The following PRKCZ variants were observed in gnomAD, a reference collection of about 807,000 sequenced individuals.
The protein encoded by PRKCZ is protein kinase C zeta.
PRKCZ carries 33 observed loss-of-function variants against 79.5 expected under a neutral mutation model. The observed-to-expected ratio is 0.41, with a 90% confidence interval of 0.31 to 0.55. PRKCZ has a LOEUF of 0.55. PRKCZ is among the 20% of genes least tolerant of loss of function. The probability of loss-of-function intolerance (pLI) is 0.19; values close to 1 mark genes in which losing one functional copy is unlikely to be tolerated. For synonymous variants in PRKCZ, 342 were observed against 320.9 expected, an observed-to-expected ratio of 1.07 and a Z score of -0.70; for missense variants, 578 against 813.5, an observed-to-expected ratio of 0.71 and a Z score of 3.52.
At chr1:2,141,151 G>A (rs530704493) in intron 5 of PRKCZ, 1 of 152,054 alleles carries the variant, frequency 6.6e-6, no homozygotes, top group African/African-American at 2.4e-5. Flanking sequence ...TTTGAAACAA[G>A]AGCTTTTGAC....
chr1:2,114,983 A>G (rs1670463344), intron 4 of PRKCZ, among the ~76,000 whole-genome samples: 1 of 152,268 alleles, frequency 6.6e-6, no homozygotes, highest in Admixed American at 6.5e-5. Flanking sequence ...TTACAAAGCA[A>G]ACTGCACCGC....
At chr1:2,099,022 C>CCGTTGTCTGTGCTGTGACTTCCGT (rs1262590085) in intron 4 of PRKCZ, among the ~76,000 whole-genome samples, 52 of 152,208 alleles carry the variant, frequency 3.4e-4, no homozygotes, top group Middle Eastern at 3.4e-3. Flanking sequence ...ATCGCATGCA[C>CCGTTGTCTGTGCTGTGACTTCCGT]CGTTGTCTGT....
intron 10 of PRKCZ, among the ~76,000 whole-genome samples, chr1:2,163,815 C>A (rs564383536): frequency 6.6e-6 from 1 of 151,770 alleles, no homozygotes; most frequent in Non-Finnish European, 1.5e-5. Context: ...AGGAGAATGG[C>A]GTGAACCCGG....
intron 7 of PRKCZ, among the ~76,000 whole-genome samples, chr1:2,147,979 A>G (rs529286953): frequency 1.0e-4 from 15 of 144,020 alleles, no homozygotes; most frequent in South Asian, 2.2e-4. Flanking sequence ...CTATCCATCT[A>G]TTGTCCACTG....
At chr1:2,062,402 C>T (rs1270279929) in intron 4 of PRKCZ, among the ~76,000 whole-genome samples, 1 of 152,034 alleles carries the variant, frequency 6.6e-6, no homozygotes, top group African/African-American at 2.4e-5. Flanking sequence ...AAGGTTCATC[C>T]ATGATGGGGC....
At chr1:2,073,232 C>T (rs148700379) in intron 4 of PRKCZ, among the ~76,000 whole-genome samples, 63 of 152,210 alleles carry the variant, frequency 4.1e-4, no homozygotes, top group African/African-American at 1.5e-3. Context: ...CTTGGCCTTT[C>T]CTGTTCCTGC....
intron 4 of PRKCZ, among the ~76,000 whole-genome samples, chr1:2,062,471 TG>T (rs1459793058): frequency 1.3e-5 from 2 of 151,726 alleles, no homozygotes; most frequent in Non-Finnish European, 2.9e-5. Flanking sequence ...CATCTATTTT[TG>T]CCATCTTAAC....
chr1:2,115,629 A>T (rs1461177903), intron 4 of PRKCZ, among the ~76,000 whole-genome samples: 1 of 152,196 alleles, frequency 6.6e-6, no homozygotes, highest in Non-Finnish European at 1.5e-5. Context: ...GACAACCTGG[A>T]TTCTGACCAA....
At position 2,107,607 on chromosome 1, in the gene PRKCZ, C is replaced by A. The variant is rs539436129; in HGVS notation, c.335-27655C>A. ...GCTGATCACCCTCAGACACCGAACC[C>A]CTGGAGGAAACACAGGGAGGGAGGA... On this transcript the variant is annotated intron_variant, in intron 4 of 17. Transcript: ENST00000378567. 6.6e-5 allele frequency among the ~76,000 whole-genome samples: 10 copies of A among 152,324 alleles called. No individual in the cohort carries two copies. The South Asian group carries it at 1.9e-3, about 28-fold the overall frequency.
At chr1:2,052,866 C>A (rs1350813506) in intron 1 of PRKCZ, among the ~76,000 whole-genome samples, 1 of 152,168 alleles carries the variant, frequency 6.6e-6, no homozygotes, top group Non-Finnish European at 1.5e-5. Flanking sequence ...AAAGGAAGAG[C>A]ACTTCAGTCA....
At position 2,125,804 on chromosome 1, in the gene PRKCZ, C is replaced by T. The variant is rs1673756926; in HGVS notation, c.335-9458C>T. 6.6e-6 allele frequency among the ~76,000 whole-genome samples: 1 copy of T among 152,234 alleles called. No homozygotes were observed. Among genetic ancestry groups the T allele is most frequent in the Non-Finnish European group, 1.5e-5 (1 of 68,024 alleles). On this transcript the variant is annotated intron_variant, in intron 4 of 17. Coordinates refer to ENST00000378567, the MANE Select transcript of PRKCZ (RefSeq NM_002744.6). This position sits in a 1 kb window ranked among gnomAD's most constrained non-coding sequence, Gnocchi z 4.2. Reference sequence around the variant, plus strand: ...GCCGCAGAGGCTGTCCCTTGGGGGCCCACGCATCCTAGCCACGGCCTCCTC... The same window carrying T: ...GCCGCAGAGGCTGTCCCTTGGGGGCTCACGCATCCTAGCCACGGCCTCCTC...
chr1:2,144,533 G>A, intron 6 of PRKCZ, 192 bp downstream of exon 6: 1 of 1,417,722 alleles, frequency 7.1e-7, no homozygotes. Context: ...GCCCCCACAA[G>A]CCCCCGGCAC....
intron 10 of PRKCZ, among the ~76,000 whole-genome samples, chr1:2,159,012 A>C (rs2103329248): frequency 6.8e-6 from 1 of 147,908 alleles, no homozygotes. Flanking sequence ...TGCAACTTCC[A>C]CCTCCCTGGT....
intron 5 of PRKCZ, among the ~76,000 whole-genome samples, chr1:2,137,888 T>C (rs1277603504): frequency 6.6e-6 from 1 of 152,112 alleles, no homozygotes; most frequent in Non-Finnish European, 1.5e-5. Flanking sequence ...CTTCTGGGCG[T>C]GTGAACGAGC....
At chr1:2,054,265 C>T (rs1049565815) in intron 1 of PRKCZ, among the ~76,000 whole-genome samples, 8 of 152,180 alleles carry the variant, frequency 5.3e-5, no homozygotes, top group Non-Finnish European at 1.2e-4. Context: ...TCTTGCCCCG[C>T]GCTCTTGTGG....
intron 4 of PRKCZ, among the ~76,000 whole-genome samples, chr1:2,103,329 AC>A (rs1667819620): frequency 6.6e-6 from 1 of 152,258 alleles, no homozygotes; most frequent in Non-Finnish European, 1.5e-5. Context: ...AGCGGCCGAC[AC>A]AGCTGCCGCA....
intron 4 of PRKCZ, among the ~76,000 whole-genome samples, chr1:2,085,709 G>T (rs1211714318): frequency 3.7e-5 from 5 of 134,906 alleles, no homozygotes; most frequent in African/African-American, 1.1e-4. Context: ...ACGTCGGGGG[G>T]CCCTGTTCTC....
intron 10 of PRKCZ, among the ~76,000 whole-genome samples, chr1:2,160,191 G>A (rs1173780732): frequency 2.0e-5 from 3 of 151,670 alleles, no homozygotes; most frequent in African/African-American, 7.3e-5. Context: ...AGCTCTTCTT[G>A]GTCAAACTGA....
chr1:2,138,377 G>A (rs946728274), intron 5 of PRKCZ, among the ~76,000 whole-genome samples: 8 of 152,176 alleles, frequency 5.3e-5, no homozygotes, highest in Non-Finnish European at 1.0e-4. Flanking sequence ...GAGCCAGCGA[G>A]GTTCTGAAGA....
Sources: gnomAD v4.1 joint callset for allele counts (sites outside exome capture counted in the v4.1 genomes callset) on GRCh38, gnomAD v4.1.1 for gene constraint, Gnocchi (gnomAD v3.1) non-coding constraint, MANE v1.5 for transcripts, NCBI Gene and HGNC (gene_info 2026-07-23, HGNC 2026-07-21) for gene names.